Variants in ZFYVE9 observed in about 807,000 individuals in gnomAD.
The protein encoded by ZFYVE9 is zinc finger FYVE-type containing 9.
In ZFYVE9, 43 loss-of-function variants were observed where a neutral mutation model predicts 126.7. The observed-to-expected ratio is 0.34, with a 90% CI of 0.27 to 0.44. ZFYVE9 has a LOEUF of 0.44. ZFYVE9 is among the 20% of genes least tolerant of loss of function. The pLI is 1.00. For missense variants in ZFYVE9, 1,476 were observed against 1,697.0 expected (o/e 0.87, Z 2.29); for synonymous variants, 521 against 597.4 (o/e 0.87, Z 1.87).
chr1:52,267,792 A>G (rs1274767054), intron 6 of ZFYVE9, among the ~76,000 whole-genome samples: 1 of 152,128 alleles, frequency 6.6e-6, no homozygotes, highest in Non-Finnish European at 1.5e-5. Flanking sequence ...ATTGATTTCT[A>G]AAACTGGACT....
chr1:52,335,788 A>G lies in ZFYVE9; in HGVS notation c.3670+1020A>G, dbSNP rs115391640. Among the ~76,000 whole-genome samples, 1,123 of 152,306 alleles carry G rather than the reference A, an allele frequency of 7.4e-3. 15 individuals are homozygous for G. Among genetic ancestry groups the G allele is most frequent in the African/African-American group, 0.026 (1,082 of 41,552 alleles). On this transcript the variant is annotated intron_variant, in intron 15 of 18. Coordinates refer to ENST00000287727, the MANE Select transcript of ZFYVE9 (RefSeq NM_004799.4). ...TGGAAAATGTAGTCTGCCTCACATG[A>G]TGACAGGTTTTCATTTTTACAGTAG...
chr1:52,157,332 A>G (rs751122512), intron 1 of ZFYVE9, among the ~76,000 whole-genome samples: 79 of 146,116 alleles, frequency 5.4e-4, no homozygotes, highest in Non-Finnish European at 7.2e-4. Flanking sequence ...TTTTGATTAT[A>G]TATATTAAGC....
At chr1:52,163,696 G>A (rs1644483667) in intron 1 of ZFYVE9, among the ~76,000 whole-genome samples, 1 of 151,972 alleles carries the variant, frequency 6.6e-6, no homozygotes, top group African/African-American at 2.4e-5. Context: ...TAATAAAAAT[G>A]TTAAACAGGA....
At chr1:52,336,387 T>C (rs922833665) in intron 15 of ZFYVE9, among the ~76,000 whole-genome samples, 2,045 of 145,348 alleles carry the variant, frequency 0.014, 27 homozygotes, top group Non-Finnish European at 0.023. Flanking sequence ...TTTTTTTTTT[T>C]AAGATGGAGG....
intron 18 of ZFYVE9, 130 bp downstream of exon 18, chr1:52,345,074 T>G (rs567387810): frequency 5.0e-6 from 5 of 992,498 alleles, no homozygotes; most frequent in African/African-American, 4.8e-5. Context: ...ATAGTGTTTT[T>G]GGCCCTCTCT....
chr1:52,300,347 T>A (rs1420845686), intron 12 of ZFYVE9, among the ~76,000 whole-genome samples: 1 of 152,096 alleles, frequency 6.6e-6, no homozygotes, highest in Admixed American at 6.6e-5. Flanking sequence ...ATCTCAGTAC[T>A]TTGGGAGGCC....
chr1:52,184,978 T>G (rs541745), intron 1 of ZFYVE9, among the ~76,000 whole-genome samples: 147,214 of 152,304 alleles, frequency 0.97, 71,164 homozygotes, highest in East Asian at 1. Flanking sequence ...GCATACTGAG[T>G]CTCTATCTCT....
Position 52,281,155 on chromosome 1 carries a change from C to T in ZFYVE9, c.2870-506C>T, listed in dbSNP as rs1344148067. Among the ~76,000 whole-genome samples, 36 of 138,856 alleles carry T rather than the reference C, an allele frequency of 2.6e-4. 1 individual carries two copies. The highest frequency in any genetic ancestry group is 1.1e-3 in the Admixed American group (15 of 13,146). The allele number at this position is 138,856 out of a possible 152,430, so 91.1% of individuals were successfully genotyped here. The stretch of plus-strand genomic sequence containing the variant: ...CTTTTCTTTTTTTTTTTTTTTGAGA[C>T]GGAGTCTCACTCTTTCGCCTAGGCT... On this transcript the variant is annotated intron_variant, in intron 9 of 18. Coordinates refer to ENST00000287727, the MANE Select transcript of ZFYVE9 (RefSeq NM_004799.4).
intron 4 of ZFYVE9, among the ~76,000 whole-genome samples, chr1:52,240,053 T>C (rs984876893): frequency 6.6e-6 from 1 of 152,208 alleles, no homozygotes; most frequent in Non-Finnish European, 1.5e-5. Flanking sequence ...CTTTTTTCTG[T>C]GAGATTTTTG....
At chr1:52,177,930 T>C (rs1236271344) in intron 1 of ZFYVE9, among the ~76,000 whole-genome samples, 1 of 150,746 alleles carries the variant, frequency 6.6e-6, no homozygotes, top group African/African-American at 2.4e-5. Context: ...TCATATACTA[T>C]GAAAAGTAGT....
chr1:52,299,030 G>C (rs368139782), intron 12 of ZFYVE9, among the ~76,000 whole-genome samples: 1 of 151,782 alleles, frequency 6.6e-6, no homozygotes, highest in African/African-American at 2.4e-5. Flanking sequence ...GGATGGTCTC[G>C]ATCTCCTGAC....
At chr1:52,314,883 C>T (rs550258926) in intron 13 of ZFYVE9, among the ~76,000 whole-genome samples, 65 of 151,838 alleles carry the variant, frequency 4.3e-4, no homozygotes, top group Non-Finnish European at 8.1e-4. Context: ...CTCAGGAGGC[C>T]GAGGCACGAG....
At chr1:52,223,374 C>T (rs1645141982) in intron 2 of ZFYVE9, among the ~76,000 whole-genome samples, 1 of 152,146 alleles carries the variant, frequency 6.6e-6, no homozygotes, top group South Asian at 2.1e-4. Flanking sequence ...GTTCTATTCT[C>T]CTGGGCTCCC....
At chr1:52,287,246 G>A (rs1025161056) in intron 10 of ZFYVE9, among the ~76,000 whole-genome samples, 1 of 151,862 alleles carries the variant, frequency 6.6e-6, no homozygotes, top group Non-Finnish European at 1.5e-5. Flanking sequence ...CAAGTAACTG[G>A]GACTACAGGC....
chr1:52,338,090 T>C (rs1646404973), intron 16 of ZFYVE9, among the ~76,000 whole-genome samples, 156 bp downstream of exon 16: 1 of 152,202 alleles, frequency 6.6e-6, no homozygotes, highest in Non-Finnish European at 1.5e-5. Flanking sequence ...AAATTTCTGG[T>C]TTTGTAAGTT....
chr1:52,338,620 C>G (rs916287303), intron 16 of ZFYVE9, among the ~76,000 whole-genome samples: 3 of 152,086 alleles, frequency 2.0e-5, no homozygotes, highest in Non-Finnish European at 4.4e-5. Context: ...TTTAACATTG[C>G]TATTTGATGA....
intron 1 of ZFYVE9, among the ~76,000 whole-genome samples, chr1:52,188,876 C>G (rs1644790318): frequency 6.6e-6 from 1 of 152,016 alleles, no homozygotes. Flanking sequence ...TTGTGAATTA[C>G]TTTCAGTAGT....
At position 52,237,546 on chromosome 1, in the gene ZFYVE9, T is replaced by A; in HGVS notation, c.129T>A (p.Pro43=). Residue 43 remains proline (P), a synonymous_variant, in exon 4 of 19, where the codon CCT becomes CCA. Transcript: ENST00000287727. ...DTKWNKILDP[P]SHRLSFNPTL... ...AGTGGAATAAGATTCTAGATCCCCC[T>A]TCTCACCGGCTGTCATTTAACCCTA... 1 of 1,613,968 alleles carries A rather than the reference T, an allele frequency of 6.2e-7. No homozygotes were observed. The highest frequency in any genetic ancestry group is 1.1e-5 in the South Asian group (1 of 91,068).
intron 1 of ZFYVE9, among the ~76,000 whole-genome samples, chr1:52,185,128 C>A (rs1644753223): frequency 2.0e-5 from 3 of 152,224 alleles, no homozygotes; most frequent in African/African-American, 4.8e-5. Flanking sequence ...CTTGCTAACA[C>A]TCATCCCAGG....
Sources: allele counts gnomAD v4.1 joint callset (sites outside exome capture counted in the v4.1 genomes callset), GRCh38; gene constraint gnomAD v4.1.1; transcripts MANE v1.5; gene names NCBI Gene and HGNC (gene_info 2026-07-23, HGNC 2026-07-21).